MYH10: variants seen among roughly 807,000 people sequenced by gnomAD.
MYH10 encodes the protein myosin-10.
MYH10 carries 55 observed loss-of-function variants against 257.8 expected under a neutral mutation model. The ratio of observed to expected loss-of-function variants is 0.21; its 90% confidence interval spans 0.17 to 0.27. The LOEUF is 0.27. MYH10 is among the 10% of genes least tolerant of loss of function. The probability of loss-of-function intolerance (pLI) is 1.00; values close to 1 mark genes in which losing one functional copy is unlikely to be tolerated. For synonymous variants in MYH10, 854 were observed against 921.7 expected (o/e 0.93, Z 1.33); for missense variants, 1,631 against 2,500.6 (o/e 0.65, Z 7.42).
chr17:8,624,762 T>C (rs754114490), intron 1 of MYH10, among the ~76,000 whole-genome samples: 1 of 152,218 alleles, frequency 6.6e-6, no homozygotes, highest in Non-Finnish European at 1.5e-5. Context: ...TGGTTACACA[T>C]TCAACCAACT....
chr17:8,604,963 C>A lies in MYH10; in HGVS notation c.365G>T (p.Cys122Phe). Residue 122 changes from cysteine to phenylalanine, a missense_variant, in exon 3 of 43, where the codon TGT (cysteine) becomes TTT (phenylalanine). Coordinates refer to ENST00000360416, the MANE Select transcript of MYH10 (RefSeq NM_001256012.3). ...ATTCTTGTAAGGGTTTATAACTACACAGAAGAGTCCAGAATAAGTCTAGAA... is the reference window on the plus strand; with the variant it reads ...ATTCTTGTAAGGGTTTATAACTACAAAGAAGAGTCCAGAATAAGTCTAGAA... ...GLIYTYSGLF[C>F]VVINPYKNLP... is the part of the protein sequence containing the mutation. 1 of 1,510,814 alleles carries A rather than the reference C, an allele frequency of 6.6e-7. No individual in the cohort carries two copies. Among genetic ancestry groups the A allele is most frequent in the South Asian group, 1.2e-5 (1 of 81,644 alleles). The allele number at this position is 1,510,814 out of a possible 1,614,324, so 93.6% of individuals were successfully genotyped here.
chr17:8,499,795 T>TTA (rs1464468013), intron 29 of MYH10, among the ~76,000 whole-genome samples: 21 of 152,354 alleles, frequency 1.4e-4, no homozygotes, highest in African/African-American at 4.8e-4. Flanking sequence ...AAAAGTGTTG[T>TTA]TAGTGTAAAG....
intron 7 of MYH10, among the ~76,000 whole-genome samples, chr17:8,565,622 C>CT (rs1567908986): frequency 1.3e-5 from 2 of 152,144 alleles, no homozygotes; most frequent in Non-Finnish European, 1.5e-5. Context: ...AATAAAAAAT[C>CT]TTTTTTCTAC....
At chr17:8,612,623 G>A (rs1183625199) in intron 2 of MYH10, among the ~76,000 whole-genome samples, 2 of 152,102 alleles carry the variant, frequency 1.3e-5, no homozygotes, top group African/African-American at 4.8e-5. Flanking sequence ...GGCCAAGGAG[G>A]GGGCAGATCA....
In MYH10 at chr17:8,521,248, C is replaced by A; in HGVS notation, c.1995G>T (p.Met665Ile). 1.2e-6 allele frequency: 2 copies of A among 1,614,180 alleles called. No homozygotes were observed. Among genetic ancestry groups the A allele is most frequent in the South Asian group, 1.1e-5 (1 of 91,066 alleles). ...RIVGLDQVTGMTETAFGSAYK... is the reference protein window; with the variant it reads ...RIVGLDQVTGITETAFGSAYK... ...ATGCGGAGCCAAAAGCTGTCTCAGT[C>A]ATACCAGTGACTTGATCCAGACCCA... The change falls in exon 18 of 43, where the codon ATG becomes ATT. Residue 665 changes from methionine (M) to isoleucine (I), a missense_variant. Coordinates refer to ENST00000360416, the MANE Select transcript of MYH10 (RefSeq NM_001256012.3).
chr17:8,589,001 TC>T (rs924985265), intron 4 of MYH10, 79 bp downstream of exon 4: 3 of 1,336,142 alleles, frequency 2.2e-6, no homozygotes, highest in Non-Finnish European at 3.2e-6. Flanking sequence ...GCTCTACTTC[TC>T]CCCTCCCCCC....
intron 38 of MYH10, among the ~76,000 whole-genome samples, chr17:8,481,095 CAGCA>C (rs1567768452): frequency 8.1e-4 from 2 of 2,464 alleles, no homozygotes; most frequent in Non-Finnish European, 5.0e-3. Context: ...GTGCAGGGCT[CAGCA>C]GGACTGGCAC....
intron 42 of MYH10, 73 bp from the exon 43 acceptor site, chr17:8,476,021 T>C: frequency 1.3e-6 from 2 of 1,508,570 alleles, no homozygotes; most frequent in Non-Finnish European, 1.8e-6. Flanking sequence ...GTTCAACCAC[T>C]CAATGCCACG....
intron 17 of MYH10, among the ~76,000 whole-genome samples, chr17:8,529,053 T>C (rs1015063241): frequency 4.8e-4 from 73 of 152,200 alleles, no homozygotes; most frequent in Admixed American, 4.6e-3. Context: ...TTCACTAGCA[T>C]GAAGTCATCT....
At chr17:8,515,533 CTTTTTTTTTTTTTT>C (rs562174128) in intron 21 of MYH10, among the ~76,000 whole-genome samples, 3 of 86,874 alleles carry the variant, frequency 3.5e-5, no homozygotes, top group Non-Finnish European at 6.2e-5. Context: ...TTAGCCAAGT[CTTTTTTTTTTTTTT>C]TTTTTTTTTT....
chr17:8,534,292 C>T (rs2082081498), intron 16 of MYH10, among the ~76,000 whole-genome samples: 1 of 152,210 alleles, frequency 6.6e-6, no homozygotes, highest in Non-Finnish European at 1.5e-5. Flanking sequence ...TGTTGGAAAG[C>T]TCGTCTTTCC....
intron 3 of MYH10, among the ~76,000 whole-genome samples, chr17:8,594,132 C>G (rs1355511582): frequency 1.3e-5 from 2 of 152,166 alleles, no homozygotes; most frequent in Non-Finnish European, 2.9e-5. Flanking sequence ...GCAACCCATA[C>G]TTTGCACCAT....
At chr17:8,512,715 A>G in intron 23 of MYH10, 58 bp from the exon 24 acceptor site, 5 of 1,380,190 alleles carry the variant, frequency 3.6e-6, no homozygotes, top group Non-Finnish European at 4.9e-6. Flanking sequence ...CACAGTATAT[A>G]TTCGCCGTGA....
Position 8,492,306 on chromosome 17 carries a change from C to T in MYH10, c.4662G>A (p.Val1554=). ...CCACCAGGCGACTTACGTTTTTTCC[C>T]ACATCATCTTTGGAGCTCATGAGGT... ...MEDLMSSKDD[V]GKNVHELEKS... is the part of the protein sequence containing the mutation. The change falls in exon 34 of 43, where the codon GTG becomes GTA. Residue 1554 remains valine, a synonymous_variant. Transcript: ENST00000360416. 1 of 1,612,456 alleles carries T rather than the reference C, an allele frequency of 6.2e-7. No homozygotes were observed. The highest frequency in any genetic ancestry group is 8.5e-7 in the Non-Finnish European group (1 of 1,179,852).
chr17:8,605,031 T>C, intron 2 of MYH10, 49 bp from the exon 3 acceptor site: 2 of 997,616 alleles, frequency 2.0e-6, no homozygotes, highest in Non-Finnish European at 2.7e-6. Flanking sequence ...TCTGCATTTA[T>C]CAATCAGGGT....
At chr17:8,485,317 A>T (rs748490228) in intron 36 of MYH10, among the ~76,000 whole-genome samples, 54 of 152,336 alleles carry the variant, frequency 3.5e-4, no homozygotes, top group Non-Finnish European at 5.6e-4. Context: ...ACAAAACGTC[A>T]CTGAAAAAAA....
chr17:8,545,371 GCA>G lies in MYH10; in HGVS notation c.1431+75_1431+76del. On this transcript the variant is annotated intron_variant, in intron 13 of 42. Coordinates refer to ENST00000360416, the MANE Select transcript of MYH10 (RefSeq NM_001256012.3). The surrounding 1 kb of genome is among the most constrained non-coding windows in gnomAD (Gnocchi z 4.7). ...ATCCCTGGTGCCTCGTATGTACTGG[GCA>G]CACAGTAAGCCTTCATATTTGTTAA... is the stretch of plus-strand genomic sequence containing the variant. 1 of 1,521,286 alleles carries G rather than the reference GCA, an allele frequency of 6.6e-7. No homozygotes were observed. Among genetic ancestry groups the G allele is most frequent in the Non-Finnish European group, 9.0e-7 (1 of 1,108,470 alleles). The allele number at this position is 1,521,286 out of a possible 1,614,324, so 94.2% of individuals were successfully genotyped here.
chr17:8,497,575 T>C (rs1362144403), intron 30 of MYH10, among the ~76,000 whole-genome samples: 1 of 151,554 alleles, frequency 6.6e-6, no homozygotes, highest in Non-Finnish European at 1.5e-5. Flanking sequence ...CCATCTCTAC[T>C]AGAAATGCAA....
intron 7 of MYH10, among the ~76,000 whole-genome samples, chr17:8,563,869 C>T (rs1407090081): frequency 6.9e-6 from 1 of 144,602 alleles, no homozygotes; most frequent in Non-Finnish European, 1.5e-5. Flanking sequence ...TGGAAATTGC[C>T]AGCCTGGCTT....
Sources: gnomAD v4.1 joint callset for allele counts (sites outside exome capture counted in the v4.1 genomes callset) on GRCh38, gnomAD v4.1.1 for gene constraint, Gnocchi (gnomAD v3.1) non-coding constraint, MANE v1.5 for transcripts, NCBI Gene and HGNC (gene_info 2026-07-23, HGNC 2026-07-21) for gene names.